PUDP: variants seen among roughly 807,000 people sequenced by gnomAD.
The protein encoded by PUDP is pseudouridine-5'-phosphatase.
PUDP carries 8 observed loss-of-function variants against 9.4 expected under a neutral mutation model. That is an observed-to-expected ratio of 0.85 (90% CI 0.50 to 1.53). The LOEUF (loss-of-function observed/expected upper bound fraction) is 1.53, where lower values mean the gene tolerates loss of function less well. Ranked by LOEUF, PUDP falls within the 40% of genes most tolerant of loss-of-function variation. The pLI, the probability that PUDP is intolerant of heterozygous loss-of-function variation, is 0.00. For synonymous variants in PUDP, 99 were observed against 80.7 expected (o/e 1.23, Z -1.22); for missense variants, 188 against 189.7 (o/e 0.99, Z 0.05).
At chrX:6,790,859 A>G (rs999717318) in intron 3 of PUDP, among the ~76,000 whole-genome samples, 2 of 112,331 alleles carry the variant, frequency 1.8e-5, no homozygotes, top group African/African-American at 6.5e-5. Flanking sequence ...ACATGTGAGC[A>G]TTTGTTTAGC....
chrX:6,758,412 G>A (rs746298181), intron 3 of PUDP, among the ~76,000 whole-genome samples: 1 of 111,869 alleles, frequency 8.9e-6, no homozygotes, highest in South Asian at 3.8e-4. Context: ...TCAGTGAGCT[G>A]TGACGGCGTC....
chrX:6,713,590 C>G (rs1167074814), intron 1 of PUDP, among the ~76,000 whole-genome samples: 1 of 112,169 alleles, frequency 8.9e-6, no homozygotes, highest in Admixed American at 9.5e-5. Context: ...ACATTTTCAA[C>G]TTACTATATT....
intron 3 of PUDP, among the ~76,000 whole-genome samples, chrX:6,936,549 G>A (rs1928304207): frequency 5.3e-5 from 1 of 19,001 alleles, no homozygotes; most frequent in African/African-American, 2.1e-4. Context: ...GCAAAAACTG[G>A]AAGCATTCCC....
At chrX:7,089,524 G>A (rs772209389) in intron 2 of PUDP, among the ~76,000 whole-genome samples, 1 of 111,320 alleles carries the variant, frequency 9.0e-6, no homozygotes, top group Non-Finnish European at 1.9e-5. Context: ...CTTCACATCC[G>A]GGATTTCAAC....
intron 3 of PUDP, among the ~76,000 whole-genome samples, chrX:6,787,634 T>C (rs972121048): frequency 8.9e-6 from 1 of 112,463 alleles, no homozygotes; most frequent in African/African-American, 3.2e-5. Flanking sequence ...TTTTCACAAT[T>C]TCCTGATGTT....
chrX:6,863,282 T>C (rs779818584), intron 3 of PUDP, among the ~76,000 whole-genome samples: 7 of 112,704 alleles, frequency 6.2e-5, no homozygotes, highest in Non-Finnish European at 1.3e-4. Context: ...TACTAAATCA[T>C]TGAAATCTGG....
chrX:6,979,809 G>T (rs1026846226), intron 1 of PUDP, among the ~76,000 whole-genome samples: 1 of 110,935 alleles, frequency 9.0e-6, no homozygotes, highest in East Asian at 2.8e-4. Context: ...AGAAAGAATT[G>T]ATAAAAATTG....
intron 3 of PUDP, among the ~76,000 whole-genome samples, chrX:6,772,325 T>C (rs774165812): frequency 8.1e-5 from 9 of 111,415 alleles, no homozygotes; most frequent in Non-Finnish European, 1.1e-4. Context: ...AAAATAATTA[T>C]GTTAATCAAT....
At chrX:6,950,294 T>C (rs1355586032) in intron 3 of PUDP, among the ~76,000 whole-genome samples, 1 of 89,415 alleles carries the variant, frequency 1.1e-5, no homozygotes, top group Non-Finnish European at 2.1e-5. Flanking sequence ...GCCTTGATCA[T>C]GCCACTGCAC....
intron 3 of PUDP, among the ~76,000 whole-genome samples, chrX:6,892,918 A>C: frequency 8.9e-6 from 1 of 112,039 alleles, no homozygotes; most frequent in South Asian, 3.7e-4. Flanking sequence ...TCCAGCTTCC[A>C]GAACTGTGAC....
chrX:7,016,060 A>T (rs1929543598), intron 1 of PUDP, among the ~76,000 whole-genome samples: 1 of 109,826 alleles, frequency 9.1e-6, no homozygotes, highest in Admixed American at 9.7e-5. Flanking sequence ...ACAGGAGGGC[A>T]GAAGAAGCTC....
chrX:6,716,031 A>AT (rs1426221645), intron 1 of PUDP, among the ~76,000 whole-genome samples: 1 of 111,307 alleles, frequency 9.0e-6, no homozygotes, highest in Non-Finnish European at 1.9e-5. Flanking sequence ...ATTCTATCTA[A>AT]TATCTATTAA....
chrX:7,068,394 T>A (rs1292931864), intron 3 of PUDP, among the ~76,000 whole-genome samples: 1 of 111,901 alleles, frequency 8.9e-6, no homozygotes, highest in African/African-American at 3.2e-5. Flanking sequence ...GACTGGATTC[T>A]GTGTCTATTG....
chrX:7,007,133 A>G (rs1192487878), intron 1 of PUDP, among the ~76,000 whole-genome samples: 2 of 110,565 alleles, frequency 1.8e-5, no homozygotes, highest in Non-Finnish European at 1.9e-5. Context: ...TCAGTCTTAA[A>G]TTCATCTCTC....
intron 3 of PUDP, among the ~76,000 whole-genome samples, chrX:6,735,595 T>A (rs1924862320): frequency 8.9e-6 from 1 of 112,227 alleles, no homozygotes; most frequent in Non-Finnish European, 1.9e-5. Context: ...CCCACTTAAG[T>A]GAAGAAATAA....
intron 3 of PUDP, among the ~76,000 whole-genome samples, chrX:6,822,711 T>A (rs1394202427): frequency 1.8e-5 from 2 of 108,109 alleles, no homozygotes; most frequent in Non-Finnish European, 3.8e-5. Context: ...TTTTTTTAAC[T>A]TTTATTTTAG....
chrX:6,884,294 CA>C (rs754437232), intron 3 of PUDP, among the ~76,000 whole-genome samples: 12 of 111,504 alleles, frequency 1.1e-4, no homozygotes, highest in Non-Finnish European at 2.1e-4. Context: ...CCTAGTGTTT[CA>C]AAATGAGGAC....
intron 1 of PUDP, among the ~76,000 whole-genome samples, chrX:7,119,116 C>T (rs1158520536): frequency 8.9e-6 from 1 of 112,022 alleles, no homozygotes; most frequent in African/African-American, 3.2e-5. Context: ...TAAGAAATGT[C>T]CTCTCAGACC....
intron 3 of PUDP, among the ~76,000 whole-genome samples, chrX:6,955,423 T>C (rs6639729): frequency 0.21 from 22,974 of 109,978 alleles, 1,965 homozygotes; most frequent in Admixed American, 0.35. Flanking sequence ...TCTTGCTATG[T>C]TGCTTAGGCT....
Sources: gnomAD v4.1 joint callset for allele counts (sites outside exome capture counted in the v4.1 genomes callset) on GRCh38, gnomAD v4.1.1 for gene constraint, MANE v1.5 for transcripts, NCBI Gene and HGNC (gene_info 2026-07-23, HGNC 2026-07-21) for gene names.